The following RALYL variants were observed in gnomAD, a reference collection of about 807,000 sequenced individuals.
RALYL encodes the protein RALY RNA binding protein like, also known as RNA-binding Raly-like protein.
Under a neutral mutation model 35.1 loss-of-function variants are expected in RALYL, and 29 were observed. The observed-to-expected ratio is 0.83, with a 90% CI of 0.61 to 1.13. The LOEUF (loss-of-function observed/expected upper bound fraction) is 1.13, where lower values mean the gene tolerates loss of function less well. Ranked by LOEUF, RALYL falls within the 50% of genes most tolerant of loss-of-function variation. The probability of loss-of-function intolerance (pLI) is 0.00; values close to 1 mark genes in which losing one functional copy is unlikely to be tolerated. For synonymous variants in RALYL, 120 were observed against 127.6 expected (o/e 0.94, Z 0.40); for missense variants, 359 against 360.4 (o/e 1.00, Z 0.03).
chr8:84,322,057 C>A (rs988629837), intron 1 of RALYL, among the ~76,000 whole-genome samples: 15 of 151,968 alleles, frequency 9.9e-5, no homozygotes, highest in African/African-American at 3.4e-4. Flanking sequence ...GAGAAACAGA[C>A]AAAATCACTA....
intron 4 of RALYL, among the ~76,000 whole-genome samples, chr8:84,844,169 G>C (rs1834069240): frequency 6.6e-6 from 1 of 152,108 alleles, no homozygotes; most frequent in African/African-American, 2.4e-5. Context: ...ACTACCATCA[G>C]AGTGAACAGG....
intron 2 of RALYL, among the ~76,000 whole-genome samples, chr8:84,689,168 G>A (rs975837010): frequency 3.9e-5 from 6 of 151,904 alleles, no homozygotes; most frequent in South Asian, 2.1e-4. Flanking sequence ...ATGCTGGTGC[G>A]CTGCACCCAC....
chr8:84,339,126 C>T (rs1377450706), intron 1 of RALYL, among the ~76,000 whole-genome samples: 2 of 151,936 alleles, frequency 1.3e-5, no homozygotes, highest in African/African-American at 2.4e-5. Context: ...TTTGTGATGT[C>T]CCATTTGTAC....
chr8:84,913,608 T>C (rs1015227406), intron 8 of RALYL, among the ~76,000 whole-genome samples: 1 of 152,026 alleles, frequency 6.6e-6, no homozygotes, highest in African/African-American at 2.4e-5. Context: ...TGATCATTCA[T>C]AAAACAGATT....
intron 2 of RALYL, among the ~76,000 whole-genome samples, chr8:84,669,913 C>A (rs1055333003): frequency 2.0e-5 from 3 of 152,122 alleles, no homozygotes; most frequent in Non-Finnish European, 4.4e-5. Flanking sequence ...GAGCAGTTTG[C>A]AAACTACAAG....
At chr8:84,423,550 T>G (rs1380574174) in intron 1 of RALYL, among the ~76,000 whole-genome samples, 2 of 152,184 alleles carry the variant, frequency 1.3e-5, no homozygotes, top group Non-Finnish European at 2.9e-5. Context: ...TCCATTTATA[T>G]TTAAATTTAA....
At chr8:84,644,277 C>A (rs189820234) in intron 2 of RALYL, among the ~76,000 whole-genome samples, 4 of 152,076 alleles carry the variant, frequency 2.6e-5, no homozygotes, top group African/African-American at 9.6e-5. Context: ...AAAACAATGA[C>A]ATTATTATTC....
chr8:84,234,976 G>C (rs1349796258), intron 1 of RALYL, among the ~76,000 whole-genome samples: 1 of 151,924 alleles, frequency 6.6e-6, no homozygotes, highest in Non-Finnish European at 1.5e-5. Flanking sequence ...AATTGGCCAG[G>C]CTGGTCTGGA....
chr8:84,487,479 G>A (rs1447030225), intron 1 of RALYL, among the ~76,000 whole-genome samples: 1 of 152,042 alleles, frequency 6.6e-6, no homozygotes, highest in East Asian at 1.9e-4. Flanking sequence ...TTCTGGAAAT[G>A]GTGGTTGGTT....
At chr8:84,830,172 T>C (rs1477555881) in intron 4 of RALYL, among the ~76,000 whole-genome samples, 4 of 152,136 alleles carry the variant, frequency 2.6e-5, no homozygotes, top group African/African-American at 9.7e-5. Context: ...TCTAGGAACA[T>C]GTAACTCAAA....
chr8:84,841,960 T>C (rs563554608), intron 4 of RALYL, among the ~76,000 whole-genome samples: 8 of 152,284 alleles, frequency 5.3e-5, no homozygotes, highest in African/African-American at 1.9e-4. Context: ...TGGGACACAT[T>C]CAAAGCAGTG....
At chr8:84,418,082 T>C (rs571030509) in intron 1 of RALYL, among the ~76,000 whole-genome samples, 1 of 152,268 alleles carries the variant, frequency 6.6e-6, no homozygotes, top group African/African-American at 2.4e-5. Context: ...ACACAAGTAA[T>C]TGACCTCTTT....
intron 2 of RALYL, among the ~76,000 whole-genome samples, chr8:84,655,736 T>A (rs1421345844): frequency 6.6e-6 from 1 of 152,138 alleles, no homozygotes; most frequent in African/African-American, 2.4e-5. Flanking sequence ...GTTTGGGGTC[T>A]TTTTACTGAA....
chr8:84,438,378 TTTTACTTA>T (rs1174654246), intron 1 of RALYL, among the ~76,000 whole-genome samples: 1 of 111,730 alleles, frequency 9.0e-6, no homozygotes, highest in Non-Finnish European at 1.9e-5. Context: ...TCTAGGATTA[TTTTACTTA>T]TTTATTTATT....
intron 2 of RALYL, among the ~76,000 whole-genome samples, chr8:84,766,720 C>CAA (rs751821694): frequency 0.033 from 596 of 17,952 alleles, 117 homozygotes; most frequent in African/African-American, 0.094. Context: ...GAGACTGTCT[C>CAA]AAAAAAAAAA....
At chr8:84,546,329 A>G (rs1029921154) in intron 2 of RALYL, among the ~76,000 whole-genome samples, 3 of 152,136 alleles carry the variant, frequency 2.0e-5, no homozygotes, top group Non-Finnish European at 2.9e-5. Flanking sequence ...TATGTTGCCC[A>G]TGCTGGTCTC....
chr8:84,789,929 T>C (rs148197111), intron 3 of RALYL, among the ~76,000 whole-genome samples: 4 of 152,284 alleles, frequency 2.6e-5, no homozygotes, highest in African/African-American at 7.2e-5. Flanking sequence ...AAAATAAAGA[T>C]ATTATGAAAG....
chr8:84,539,497 C>T (rs1015364563), intron 2 of RALYL, among the ~76,000 whole-genome samples: 1 of 151,872 alleles, frequency 6.6e-6, no homozygotes, highest in Non-Finnish European at 1.5e-5. Flanking sequence ...GTGAGGAAGC[C>T]ATGGGACTAG....
intron 1 of RALYL, among the ~76,000 whole-genome samples, chr8:84,246,456 T>C (rs563469499): frequency 6.6e-6 from 1 of 152,150 alleles, no homozygotes; most frequent in South Asian, 2.1e-4. Context: ...ATTGAAAGAC[T>C]AGAAAAGCTT....
Sources: allele counts gnomAD v4.1 joint callset (sites outside exome capture counted in the v4.1 genomes callset), GRCh38; gene constraint gnomAD v4.1.1; transcripts MANE v1.5; gene names NCBI Gene and HGNC (gene_info 2026-07-23, HGNC 2026-07-21).